RAD52: variants seen among roughly 807,000 people sequenced by gnomAD.
RAD52 encodes the protein RAD52 DNA repair protein.
Under a neutral mutation model 55.5 loss-of-function variants are expected in RAD52, and 47 were observed. The observed-to-expected ratio is 0.85, with a 90% CI of 0.67 to 1.08. The LOEUF (loss-of-function observed/expected upper bound fraction) is 1.08. RAD52 is among the 50% of genes least tolerant of loss of function. The pLI, the probability that RAD52 is intolerant of heterozygous loss-of-function variation, is 0.00. For synonymous variants in RAD52, 184 were observed against 198.9 expected (o/e 0.92, Z 0.63); for missense variants, 468 against 522.8 (o/e 0.90, Z 1.02).
chr12:948,246 T>A (rs919085203), intron 1 of RAD52, among the ~76,000 whole-genome samples: 4 of 152,064 alleles, frequency 2.6e-5, no homozygotes, highest in African/African-American at 9.7e-5. Context: ...AATGGGTAAA[T>A]TCATAGATTA....
rs60090525 is a variant in RAD52, at chr12:912,722, C to CAAA, written c.*666_*668dup. 2,330 of 73,082 alleles carry CAAA rather than the reference C, an allele frequency of 0.032. 127 individuals carry two copies. The highest frequency in any genetic ancestry group is 0.036 in the African/African-American group (720 of 19,892). The allele number at this position is 73,082 out of a possible 1,614,324, so 4.5% of individuals were successfully genotyped here. ...AGGGCAACACAGCCAGACCCCGTCTCAAAAAAAAAAAAAAAAAAAAAAACA... is the reference window on the plus strand; with the variant it reads ...AGGGCAACACAGCCAGACCCCGTCTCAAAAAAAAAAAAAAAAAAAAAAAAAACA... On this transcript the variant is annotated 3_prime_UTR_variant, in exon 12 of 12. Coordinates refer to ENST00000358495, the MANE Select transcript of RAD52 (RefSeq NM_134424.4).
rs201247532 is a variant in RAD52 at position 913,378 on chromosome 12, G to T, written c.*13C>A. 2 of 1,585,812 alleles carry T rather than the reference G, an allele frequency of 1.3e-6. No individual in the cohort carries two copies. The highest frequency in any genetic ancestry group is 3.4e-5 in the Admixed American group (2 of 58,826). Reference sequence around the variant, plus strand: ...CTTTGTGACAGAGTCCAATTATGTGGCCTGAGCCTCAGTTAAGATGGATCA... The same window carrying T: ...CTTTGTGACAGAGTCCAATTATGTGTCCTGAGCCTCAGTTAAGATGGATCA... On this transcript the variant is annotated 3_prime_UTR_variant, in exon 12 of 12. Transcript: ENST00000358495.
chr12:932,743 T>C (rs1957386709), intron 2 of RAD52, among the ~76,000 whole-genome samples: 1 of 140,592 alleles, frequency 7.1e-6, no homozygotes, highest in African/African-American at 2.8e-5. Flanking sequence ...AACAAATAGC[T>C]CACACATGTA....
intron 1 of RAD52, among the ~76,000 whole-genome samples, chr12:942,412 TA>T (rs1298313249): frequency 1.3e-5 from 2 of 152,132 alleles, no homozygotes; most frequent in Non-Finnish European, 2.9e-5. Flanking sequence ...ACCATTCACC[TA>T]AACTAGAAAT....
In RAD52 at chr12:947,024, A is replaced by T. The variant is rs749668830; in HGVS notation, c.-19+2578T>A. On this transcript the variant is annotated intron_variant, in intron 1 of 11. Transcript: ENST00000358495. ...CTGGTAAGTGGTGAACTGAGAATAG[A>T]ACACTTTAAAAAACACTCCCAGAGG... Among the ~76,000 whole-genome samples the T allele has an allele frequency of 3.4e-4, 51 of 152,184 alleles. 1 individual carries two copies. Among genetic ancestry groups the T allele is most frequent in the Non-Finnish European group, 6.9e-4 (47 of 68,038 alleles).
At chr12:942,188 T>C (rs1337234946) in intron 1 of RAD52, among the ~76,000 whole-genome samples, 1 of 152,164 alleles carries the variant, frequency 6.6e-6, no homozygotes, top group Admixed American at 6.5e-5. Flanking sequence ...TACAACTACA[T>C]GACTTCAAGA....
intron 1 of RAD52, among the ~76,000 whole-genome samples, chr12:941,750 C>T (rs1370297250): frequency 6.6e-6 from 1 of 152,120 alleles, no homozygotes; most frequent in Non-Finnish European, 1.5e-5. Flanking sequence ...AGTTCTCCTG[C>T]CTCAGCCTCC....
intron 7 of RAD52, among the ~76,000 whole-genome samples, chr12:918,519 C>T (rs918994191): frequency 1.3e-5 from 2 of 152,138 alleles, no homozygotes; most frequent in African/African-American, 4.8e-5. Context: ...AGCCCAGCCT[C>T]CCAAGCAGCT....
At chr12:947,143 A>G (rs111684339) in intron 1 of RAD52, among the ~76,000 whole-genome samples, 3,194 of 152,142 alleles carry the variant, frequency 0.021, 114 homozygotes, top group African/African-American at 0.068. Flanking sequence ...CGTAACCAAC[A>G]TGGAGAAACC....
intron 1 of RAD52, among the ~76,000 whole-genome samples, chr12:937,614 C>T (rs371270256): frequency 3.9e-5 from 6 of 152,116 alleles, no homozygotes; most frequent in African/African-American, 1.4e-4. Flanking sequence ...TTAGTAGAGA[C>T]GGGGTTTCGT....
chr12:923,811 A>G (rs1488579358), intron 7 of RAD52, among the ~76,000 whole-genome samples: 1 of 151,520 alleles, frequency 6.6e-6, no homozygotes, highest in Admixed American at 6.6e-5. Flanking sequence ...TCATCCCAAA[A>G]CTTTCGGAGG....
Position 916,677 on chromosome 12 carries a change from G to T in RAD52, c.687C>A (p.Ser229Arg). The change falls in exon 8 of 12, where the codon AGC (serine) becomes AGA (arginine). Residue 229 changes from serine to arginine, a missense_variant. Transcript: ENST00000358495. The part of the protein sequence containing the change: ...LQQVTSPSRP[S>R]HAVIPADQDC... ...CCTGGTCCGCCGGTATCACAGCATG[G>T]CTGGGTCTGGAAGGGGAGGTCACCT... 1 of 1,614,094 alleles carries T rather than the reference G, an allele frequency of 6.2e-7. No individual in the cohort carries two copies. Among genetic ancestry groups the T allele is most frequent in the Non-Finnish European group, 8.5e-7 (1 of 1,179,992 alleles).
intron 1 of RAD52, among the ~76,000 whole-genome samples, chr12:986,399 C>T (rs1406110409): frequency 2.0e-5 from 3 of 151,866 alleles, no homozygotes; most frequent in Non-Finnish European, 4.4e-5. Flanking sequence ...GGGTCTCACC[C>T]TGTTGCCCAG....
chr12:930,253 G>T, intron 3 of RAD52, 109 bp from the exon 4 acceptor site: 2 of 897,728 alleles, frequency 2.2e-6, no homozygotes, highest in Non-Finnish European at 3.4e-6. Flanking sequence ...TCGATAAACT[G>T]TCCTTAAACA....
chr12:913,190 G>A lies in RAD52; in HGVS notation c.*201C>T. The A allele has an allele frequency of 1.7e-6, 1 of 590,428 alleles. No homozygotes were observed. The highest frequency in any genetic ancestry group is 2.1e-5 in the South Asian group (1 of 46,564). The allele number at this position is 590,428 out of a possible 1,614,324, so 36.6% of individuals were successfully genotyped here. ...ATCTGTCCAGAGCCTCTCCCTACTA[G>A]AGTGATGGACAAGCTTTTCAAAAGT... On this transcript the variant is annotated 3_prime_UTR_variant, in exon 12 of 12. Transcript: ENST00000358495.
chr12:969,857 G>A (rs1418839611), intron 1 of RAD52, among the ~76,000 whole-genome samples: 1 of 151,792 alleles, frequency 6.6e-6, no homozygotes, highest in East Asian at 1.9e-4. Flanking sequence ...TCTGGGAAAA[G>A]TAAAATGAAG....
intron 1 of RAD52, among the ~76,000 whole-genome samples, chr12:969,453 T>A (rs1958811938): frequency 6.6e-6 from 1 of 152,004 alleles, no homozygotes; most frequent in African/African-American, 2.4e-5. Context: ...ATTATATATA[T>A]AATCACAATT....
intron 1 of RAD52, among the ~76,000 whole-genome samples, chr12:941,893 T>C (rs1374461382): frequency 1.3e-5 from 2 of 152,166 alleles, no homozygotes; most frequent in East Asian, 3.8e-4. Context: ...CGCTGCAGAC[T>C]CCCAAAGTGC....
intron 1 of RAD52, among the ~76,000 whole-genome samples, chr12:972,012 T>G (rs1421218885): frequency 6.6e-6 from 1 of 152,210 alleles, no homozygotes; most frequent in East Asian, 1.9e-4. Flanking sequence ...CCTCCCAAAG[T>G]ACCTTTACCT....
Sources: allele counts gnomAD v4.1 joint callset (sites outside exome capture counted in the v4.1 genomes callset), GRCh38; gene constraint gnomAD v4.1.1; transcripts MANE v1.5; gene names NCBI Gene and HGNC (gene_info 2026-07-23, HGNC 2026-07-21).